Variants in CSAD observed in about 807,000 individuals in gnomAD.
The protein encoded by CSAD is P-selectin cytoplasmic tail-associated protein.
In CSAD, 47 loss-of-function variants were observed where a neutral mutation model predicts 61.5. The observed-to-expected ratio is 0.76, with a 90% CI of 0.60 to 0.97. The LOEUF (loss-of-function observed/expected upper bound fraction) is 0.97, where lower values mean the gene tolerates loss of function less well. Among genes scored for constraint, CSAD ranks in the 50% least tolerant of loss-of-function variants. CSAD has a pLI of 0.00. For missense variants in CSAD, 611 were observed against 643.6 expected (o/e 0.95, Z 0.55); for synonymous variants, 245 against 252.7 (o/e 0.97, Z 0.29).
At position 53,172,512 on chromosome 12, in the gene CSAD, C is replaced by T; in HGVS notation, c.253+10G>A. ...TCCCAAGTCTCCTCCTCACAGAAGC[C>T]AGGGCCCACCAGTCTTGACACTGTA... On this transcript the variant is annotated intron_variant, in intron 5 of 16. Coordinates refer to ENST00000444623, the MANE Select transcript of CSAD (RefSeq NM_001244705.2). 1 of 1,614,126 alleles carries T rather than the reference C, an allele frequency of 6.2e-7. No homozygotes were observed.
At position 53,171,337 on chromosome 12, in the gene CSAD, T is replaced by C. The variant is rs777325307; in HGVS notation, c.556A>G (p.Thr186Ala). The C allele has an allele frequency of 1.9e-6, 3 of 1,614,016 alleles. No homozygotes were observed. The highest frequency in any genetic ancestry group is 1.7e-6 in the Non-Finnish European group (2 of 1,180,020). Reference protein sequence around the residue: ...LRTLPPLALFTSKECHYSIQK... With the variant: ...LRTLPPLALFASKECHYSIQK... ...TGCCTCTTCCCCACCTCCTTCGATG[T>C]GAATAGGGCCAGGGGCGGCAGTGTG... is the stretch of plus-strand genomic sequence containing the variant. Residue 186 changes from threonine to alanine, a missense_variant, in exon 8 of 17, where the codon ACA becomes GCA. By Grantham distance (58) the Thr-to-Ala change is moderately conservative. Coordinates refer to ENST00000444623, the MANE Select transcript of CSAD (RefSeq NM_001244705.2).
At chr12:53,173,945 G>A (rs569349601) in intron 2 of CSAD, 175 bp from the exon 3 acceptor site, 5 of 635,752 alleles carry the variant, frequency 7.9e-6, no homozygotes, top group Admixed American at 5.7e-5. Flanking sequence ...CCCCTTCCCC[G>A]ACCCCTGGCA....
intron 1 of CSAD, chr12:53,180,352 G>A (rs951378227): frequency 1.4e-5 from 14 of 985,282 alleles, no homozygotes; most frequent in East Asian, 1.1e-4. Flanking sequence ...CAGGACGTCC[G>A]CGAGGAAGAA....
At chr12:53,177,725 G>A (rs747956013) in intron 2 of CSAD, among the ~76,000 whole-genome samples, 1 of 152,024 alleles carries the variant, frequency 6.6e-6, no homozygotes, top group Non-Finnish European at 1.5e-5. Context: ...TGCAACCCCC[G>A]CCTCCCGGGT....
rs12161793 is a variant in CSAD at position 53,158,691 on chromosome 12, A to G, written c.1309-7T>C. 107,425 of 1,612,908 alleles carry G rather than the reference A, an allele frequency of 0.067. 4,518 individuals carry two copies. The highest frequency in any genetic ancestry group is 0.18 in the East Asian group (8,179 of 44,840). On this transcript the variant is annotated splice_polypyrimidine_tract_variant and splice_region_variant and intron_variant, in intron 16 of 16. Transcript: ENST00000444623. ...CCTTGAGCACGGGGGCCACCTGTGG[A>G]AGGGTGGAGAGAGATTCCAGCTGCA...
At chr12:53,171,809 T>C in intron 7 of CSAD, 73 bp downstream of exon 7, 1 of 1,027,082 alleles carries the variant, frequency 9.7e-7, no homozygotes, top group Non-Finnish European at 1.5e-6. Context: ...TGCCAGACAC[T>C]AGAGCAAGAG....
At chr12:53,171,758 G>C (rs970826282) in intron 7 of CSAD, 124 bp downstream of exon 7, 1 of 707,556 alleles carries the variant, frequency 1.4e-6, no homozygotes, top group African/African-American at 1.8e-5. Context: ...GGCCTGGCCT[G>C]GGTCCAGCTG....
chr12:53,180,567 C>G lies in CSAD; in HGVS notation c.-91+165G>C, dbSNP rs372066015. ...TCGGCGCACGGCGCCGCCCACTCAC[C>G]CAGCTGCACCTCTCCGTGCGTCCCC... On this transcript the variant is annotated intron_variant, in intron 1 of 16. Coordinates refer to ENST00000444623, the MANE Select transcript of CSAD (RefSeq NM_001244705.2). 1.2e-5 allele frequency: 16 copies of G among 1,282,288 alleles called. No homozygotes were observed. In the South Asian group the frequency reaches 1.6e-4, roughly 13 times the overall value. 79.4% of individuals were successfully genotyped at this position (1,282,288 alleles called of 1,614,324 possible). A position where few individuals can be genotyped will look rare whatever the true frequency, so the allele number is the denominator to read the frequency against.
Position 53,180,749 on chromosome 12 carries a change from C to T in CSAD, c.-108G>A, listed in dbSNP as rs1013404438. ...AAACTTGCCTCGGTCCCGGTGGGGG[C>T]AGCCGCGGCGGTGGGGTTGGCAGGG... is the stretch of plus-strand genomic sequence containing the variant. On this transcript the variant is annotated 5_prime_UTR_variant, in exon 1 of 17. Transcript: ENST00000444623. 2.2e-5 allele frequency: 28 copies of T among 1,265,538 alleles called. No individual in the cohort carries two copies. The highest frequency in any genetic ancestry group is 1.7e-4 in the Admixed American group (7 of 41,268). The allele number at this position is 1,265,538 out of a possible 1,614,324, so 78.4% of individuals were successfully genotyped here. A position where few individuals can be genotyped will look rare whatever the true frequency, so the allele number is the denominator to read the frequency against.
chr12:53,165,513 A>T (rs1325202268), intron 10 of CSAD, among the ~76,000 whole-genome samples: 1 of 151,790 alleles, frequency 6.6e-6, no homozygotes, highest in African/African-American at 2.4e-5. Flanking sequence ...ACAAAAAAAA[A>T]TTAGCTGGGC....
chr12:53,180,607 T>A, intron 1 of CSAD, 125 bp downstream of exon 1: 1 of 1,284,334 alleles, frequency 7.8e-7, no homozygotes, highest in Non-Finnish European at 1.0e-6. Flanking sequence ...TCACCCGCTC[T>A]GAGGCTGCCC....
intron 10 of CSAD, among the ~76,000 whole-genome samples, chr12:53,162,484 C>T (rs1028234901): frequency 4.7e-4 from 72 of 152,310 alleles, no homozygotes; most frequent in African/African-American, 1.7e-3. Context: ...AGGAGAATCA[C>T]TTGAACCTGG....
At chr12:53,170,367 A>C (rs375871765) in intron 9 of CSAD, 56 bp downstream of exon 9, 179 of 1,488,758 alleles carry the variant, frequency 1.2e-4, no homozygotes, top group Non-Finnish European at 1.5e-4. Flanking sequence ...TTCTGGCGGC[A>C]GGAAGTTACG....
At chr12:53,173,829 GTTTT>G in intron 2 of CSAD, 59 bp from the exon 3 acceptor site, 1 of 1,558,828 alleles carries the variant, frequency 6.4e-7, no homozygotes, top group Non-Finnish European at 8.8e-7. Context: ...ACAATTAAGT[GTTTT>G]TTTCATAAAT....
rs779713187 is a variant in CSAD at position 53,180,845 on chromosome 12, C to G, written c.-204G>C. On this transcript the variant is annotated 5_prime_UTR_variant, in exon 1 of 17. Coordinates refer to ENST00000444623, the MANE Select transcript of CSAD (RefSeq NM_001244705.2). ...GGAGGCCGCGCCTGGCAGGTAGGAGCAAGCCCCAAAGACCGCAGCGTCGTC... is the reference window on the plus strand; with the variant it reads ...GGAGGCCGCGCCTGGCAGGTAGGAGGAAGCCCCAAAGACCGCAGCGTCGTC... 7.9e-7 allele frequency: 1 copy of G among 1,269,540 alleles called. No homozygotes were observed. Among genetic ancestry groups the G allele is most frequent in the South Asian group, 1.3e-5 (1 of 78,734 alleles). 78.6% of individuals were successfully genotyped at this position (1,269,540 alleles called of 1,614,324 possible).
chr12:53,176,384 T>G (rs1941106007), intron 2 of CSAD, among the ~76,000 whole-genome samples: 1 of 149,998 alleles, frequency 6.7e-6, no homozygotes, highest in Non-Finnish European at 1.5e-5. Flanking sequence ...CATTCCAGCC[T>G]GGGCAGCAAG....
In CSAD at chr12:53,180,619, C is replaced by T. The variant is rs1221426489; in HGVS notation, c.-91+113G>A. 12 of 1,283,804 alleles carry T rather than the reference C, an allele frequency of 9.3e-6. No homozygotes were observed. In the Admixed American group the frequency reaches 1.6e-4, roughly 17 times the overall value. The allele number at this position is 1,283,804 out of a possible 1,614,324, so 79.5% of individuals were successfully genotyped here. On this transcript the variant is annotated intron_variant, in intron 1 of 16. Transcript: ENST00000444623. ...AGCTCACCCGCTCTGAGGCTGCCCC[C>T]GCTAGTCTAGCTGCCGAGCCCGGAA...
chr12:53,176,447 C>A (rs1206477951), intron 2 of CSAD, among the ~76,000 whole-genome samples: 1 of 151,294 alleles, frequency 6.6e-6, no homozygotes, highest in Non-Finnish European at 1.5e-5. Context: ...GGGCTGGGAG[C>A]AGTGGCTCAC....
chr12:53,162,741 A>C (rs1939431899), intron 10 of CSAD, among the ~76,000 whole-genome samples: 1 of 150,864 alleles, frequency 6.6e-6, no homozygotes, highest in Admixed American at 6.6e-5. Context: ...TGGGCAACCT[A>C]GTGAGACCTC....
Sources: allele counts gnomAD v4.1 joint callset (sites outside exome capture counted in the v4.1 genomes callset), GRCh38; gene constraint gnomAD v4.1.1; transcripts MANE v1.5; gene names NCBI Gene and HGNC (gene_info 2026-07-23, HGNC 2026-07-21).